The following NFASC variants were observed in gnomAD, a reference collection of about 807,000 sequenced individuals.
NFASC encodes the protein neurofascin, also known as neurofascin homolog.
NFASC carries 43 observed loss-of-function variants against 147.5 expected under a neutral mutation model. The observed-to-expected ratio is 0.29, with a 90% CI of 0.23 to 0.38. The LOEUF (loss-of-function observed/expected upper bound fraction) is 0.38, where lower values mean the gene tolerates loss of function less well. Ranked by LOEUF, NFASC falls within the 10% of genes least tolerant of loss-of-function variation. The pLI is 1.00. For missense variants in NFASC, 1,320 were observed against 1,689.0 expected (o/e 0.78, Z 3.83); for synonymous variants, 622 against 665.5 (o/e 0.93, Z 1.01).
chr1:204,934,623 C>T (rs2092678865), intron 2 of NFASC, among the ~76,000 whole-genome samples: 1 of 152,226 alleles, frequency 6.6e-6, no homozygotes, highest in Admixed American at 6.5e-5. Flanking sequence ...GCTCCAGCCT[C>T]TCCTCTTACT....
intron 1 of NFASC, among the ~76,000 whole-genome samples, chr1:204,853,520 T>C (rs1472117115): frequency 1.3e-5 from 2 of 152,178 alleles, no homozygotes; most frequent in African/African-American, 4.8e-5. Flanking sequence ...CTTTGAGGTG[T>C]AGTTAAGCGG....
intron 23 of NFASC, among the ~76,000 whole-genome samples, chr1:204,990,965 G>A (rs190545633): frequency 1.3e-5 from 2 of 152,352 alleles, no homozygotes; most frequent in Admixed American, 1.3e-4. Flanking sequence ...GGAACATAAT[G>A]CTCTGAGTGG....
chr1:204,836,302 C>G (rs369665962), intron 1 of NFASC, among the ~76,000 whole-genome samples: 1 of 151,992 alleles, frequency 6.6e-6, no homozygotes, highest in Non-Finnish European at 1.5e-5. Flanking sequence ...GAAGAATCTC[C>G]CCTATATCTT....
intron 23 of NFASC, chr1:204,989,338 T>C (rs1013224075): frequency 6.4e-6 from 1 of 155,502 alleles, no homozygotes; most frequent in East Asian, 1.9e-4. Context: ...ATTGGATGCG[T>C]TGTCAGGCTG....
At chr1:204,901,785 A>G (rs1202488188) in intron 1 of NFASC, among the ~76,000 whole-genome samples, 3 of 152,118 alleles carry the variant, frequency 2.0e-5, no homozygotes, top group Admixed American at 2.0e-4. Context: ...GGAAAAGTTG[A>G]GGAGACAGGA....
chr1:204,891,277 TC>T (rs2082334403), intron 1 of NFASC, among the ~76,000 whole-genome samples: 1 of 152,134 alleles, frequency 6.6e-6, no homozygotes, highest in African/African-American at 2.4e-5. Context: ...TGCCCCCACT[TC>T]CTGGTCTCAA....
At chr1:204,830,076 G>A (rs899668363) in intron 1 of NFASC, among the ~76,000 whole-genome samples, 13 of 151,058 alleles carry the variant, frequency 8.6e-5, no homozygotes, top group African/African-American at 2.9e-4. Flanking sequence ...CCTCAGTGTG[G>A]GGGAGAGGAC....
In NFASC at chr1:205,009,680, A is replaced by G; in HGVS notation, c.3413A>G (p.Lys1138Arg). 1.9e-6 allele frequency: 3 copies of G among 1,613,920 alleles called. No individual in the cohort carries two copies. The highest frequency in any genetic ancestry group is 1.7e-6 in the Non-Finnish European group (2 of 1,179,958). ...VCFIKRSRGG[K>R]YPVREKKDVP... is the part of the protein sequence containing the mutation. The stretch of plus-strand genomic sequence containing the variant: ...TTCATCAAGAGGAGTCGCGGCGGCA[A>G]GTACCCAGGTGAGATGTGCAAGAGG... Residue 1138 changes from lysine (K) to arginine (R), a missense_variant, in exon 28 of 30, where the codon AAG (lysine) becomes AGG (arginine). Lys to Arg is a conservative substitution (Grantham distance 26). Coordinates refer to ENST00000339876, the MANE Select transcript of NFASC (RefSeq NM_001005388.3).
intron 2 of NFASC, among the ~76,000 whole-genome samples, chr1:204,925,217 A>ATGTACAT (rs1470896275): frequency 6.6e-6 from 1 of 152,230 alleles, no homozygotes; most frequent in African/African-American, 2.4e-5. Flanking sequence ...GGTGCTATAC[A>ATGTACAT]TGTACATTAG....
chr1:204,901,544 A>G (rs2084587651), intron 1 of NFASC, among the ~76,000 whole-genome samples: 1 of 152,216 alleles, frequency 6.6e-6, no homozygotes, highest in Admixed American at 6.5e-5. Flanking sequence ...TGACCTTGAC[A>G]AAATTTGATT....
At chr1:204,884,210 A>G (rs16854617) in intron 1 of NFASC, among the ~76,000 whole-genome samples, 10,618 of 152,074 alleles carry the variant, frequency 0.07, 1,059 homozygotes, top group East Asian at 0.21. Context: ...GTGATTCAGG[A>G]ACTTTCAAGC....
Position 204,968,327 on chromosome 1 carries a change from T to G in NFASC, c.785T>G (p.Met262Arg). The change falls in exon 9 of 30, where the codon ATG (methionine) becomes AGG (arginine). Residue 262 changes from methionine (M) to arginine (R), a missense_variant. Met to Arg is a moderately conservative substitution (Grantham distance 91). Transcript: ENST00000339876. The surrounding 1 kb of genome is among the most constrained non-coding windows in gnomAD (Gnocchi z 5.4). ...TASSQMVLRG[M>R]DLLLECIASG... is the part of the protein sequence containing the mutation. The stretch of plus-strand genomic sequence containing the variant: ...AGCAGCCAGATGGTGCTTCGTGGCA[T>G]GGACCTCCTGCTGGAATGCATCGCC... 6.2e-7 allele frequency: 1 copy of G among 1,614,194 alleles called. No homozygotes were observed. The highest frequency in any genetic ancestry group is 8.5e-7 in the Non-Finnish European group (1 of 1,180,012).
At chr1:204,958,845 C>T (rs547706785) in intron 8 of NFASC, among the ~76,000 whole-genome samples, 3 of 152,232 alleles carry the variant, frequency 2.0e-5, no homozygotes, top group South Asian at 4.2e-4. Flanking sequence ...AATGGCTCCC[C>T]GGGTGGGTGT....
At chr1:204,871,354 G>A (rs1196820473) in intron 1 of NFASC, among the ~76,000 whole-genome samples, 1 of 152,184 alleles carries the variant, frequency 6.6e-6, no homozygotes, top group Non-Finnish European at 1.5e-5. Flanking sequence ...GAGGAAGAGA[G>A]GCCAAGGACA....
At chr1:204,927,999 A>T (rs1410374962) in intron 2 of NFASC, among the ~76,000 whole-genome samples, 1 of 152,090 alleles carries the variant, frequency 6.6e-6, no homozygotes, top group Non-Finnish European at 1.5e-5. Context: ...TCCTCCCCAG[A>T]GGGGGGAGTT....
chr1:204,935,266 G>A (rs1204001174), intron 2 of NFASC, among the ~76,000 whole-genome samples: 1 of 152,132 alleles, frequency 6.6e-6, no homozygotes, highest in African/African-American at 2.4e-5. Flanking sequence ...AAGACAGTGT[G>A]GAAGTAAACA....
intron 1 of NFASC, among the ~76,000 whole-genome samples, chr1:204,904,684 G>A (rs905787194): frequency 1.3e-5 from 2 of 152,166 alleles, no homozygotes; most frequent in South Asian, 2.1e-4. Flanking sequence ...AGATTTCTGA[G>A]ATCCCTTTCA....
At chr1:204,915,410 A>T (rs1467897110) in intron 1 of NFASC, among the ~76,000 whole-genome samples, 2 of 152,248 alleles carry the variant, frequency 1.3e-5, no homozygotes, top group African/African-American at 4.8e-5. Flanking sequence ...TAGAATTTTT[A>T]AAAATACATG....
chr1:204,922,020 G>A (rs893739871), intron 2 of NFASC, among the ~76,000 whole-genome samples: 3 of 152,156 alleles, frequency 2.0e-5, no homozygotes, highest in Non-Finnish European at 2.9e-5. Context: ...TGTTTTGGCA[G>A]GGGTGGCGCG....
Sources: allele counts gnomAD v4.1 joint callset (sites outside exome capture counted in the v4.1 genomes callset), GRCh38; gene constraint gnomAD v4.1.1; non-coding constraint Gnocchi (gnomAD v3.1); transcripts MANE v1.5; gene names NCBI Gene and HGNC (gene_info 2026-07-23, HGNC 2026-07-21).